SLC25A48: variants seen among roughly 807,000 people sequenced by gnomAD.
SLC25A48 encodes CTC-321K16.1.
In SLC25A48, 29 loss-of-function variants were observed where a neutral mutation model predicts 32.2. That is an observed-to-expected ratio of 0.90 (90% CI 0.67 to 1.23). The LOEUF (loss-of-function observed/expected upper bound fraction) is 1.23. Among genes scored for constraint, SLC25A48 ranks in the 50% most tolerant of loss-of-function variants. The pLI, the probability that SLC25A48 is intolerant of heterozygous loss-of-function variation, is 0.00. For synonymous variants in SLC25A48, 164 were observed against 172.3 expected (o/e 0.95, Z 0.38); for missense variants, 399 against 422.7 (o/e 0.94, Z 0.49).
chr5:135,764,591 C>T (rs1756155974), intron 3 of SLC25A48, among the ~76,000 whole-genome samples: 4 of 151,154 alleles, frequency 2.6e-5, no homozygotes, highest in Admixed American at 2.6e-4. Context: ...CCCCATATCT[C>T]GGGGAGTGTA....
intron 3 of SLC25A48, among the ~76,000 whole-genome samples, chr5:135,777,030 T>A (rs1489174320): frequency 6.6e-6 from 1 of 151,476 alleles, no homozygotes. Flanking sequence ...TTTTTCCTAA[T>A]ATCCAGGGGA....
chr5:135,859,372 A>G (rs1487561414), intron 4 of SLC25A48, among the ~76,000 whole-genome samples: 1 of 152,168 alleles, frequency 6.6e-6, no homozygotes, highest in African/African-American at 2.4e-5. Context: ...TCATGAGAAC[A>G]GCATGGGAAA....
At chr5:135,695,309 T>C (rs904051228) in intron 3 of SLC25A48, among the ~76,000 whole-genome samples, 1 of 9,174 alleles carries the variant, frequency 1.1e-4, no homozygotes, top group Non-Finnish European at 5.6e-4. Context: ...GTGCTTTTTA[T>C]GTTTTTCTTG....
intron 1 of SLC25A48, among the ~76,000 whole-genome samples, chr5:135,602,756 C>T (rs1186638632): frequency 6.6e-6 from 1 of 152,102 alleles, no homozygotes; most frequent in African/African-American, 2.4e-5. Flanking sequence ...AATACTATCC[C>T]TCCCCTCTCC....
In SLC25A48 at chr5:135,631,045, C is replaced by A. The variant is rs6895292; in HGVS notation, c.-709+1669C>A. 9.4e-3 allele frequency among the ~76,000 whole-genome samples: 1,436 copies of A among 152,278 alleles called. 28 individuals are homozygous for A. Among genetic ancestry groups the A allele is most frequent in the African/African-American group, 0.033 (1,369 of 41,552 alleles). On this transcript the variant is annotated intron_variant, in intron 2 of 10. Coordinates refer to the SLC25A48 transcript ENST00000646290. ...ATGGAATATGCCAAAGCCTTTGAGT[C>A]CTTGTCTTCCTGCATCGACCCTGAA... is the stretch of plus-strand genomic sequence containing the variant.
At chr5:135,592,248 C>G (rs1751544130) in intron 1 of SLC25A48, among the ~76,000 whole-genome samples, 1 of 152,184 alleles carries the variant, frequency 6.6e-6, no homozygotes, top group Admixed American at 6.5e-5. Flanking sequence ...GTGCCACACA[C>G]CTACTAAGCG....
intron 3 of SLC25A48, among the ~76,000 whole-genome samples, chr5:135,767,392 G>A (rs376228470): frequency 6.6e-6 from 1 of 151,918 alleles, no homozygotes; most frequent in South Asian, 2.1e-4. Flanking sequence ...CATATTGCGG[G>A]CGGTGCACAC....
intron 3 of SLC25A48, among the ~76,000 whole-genome samples, chr5:135,748,350 T>C (rs1755691321): frequency 6.6e-6 from 1 of 152,236 alleles, no homozygotes. Flanking sequence ...AGTTGCTCAC[T>C]GCAACCTCCG....
At chr5:135,753,473 A>G (rs1388900903) in intron 3 of SLC25A48, among the ~76,000 whole-genome samples, 1 of 152,058 alleles carries the variant, frequency 6.6e-6, no homozygotes, top group Non-Finnish European at 1.5e-5. Context: ...GTATACACAC[A>G]GGTTGCACAC....
chr5:135,754,904 G>T (rs567391214), intron 3 of SLC25A48, among the ~76,000 whole-genome samples: 1 of 150,978 alleles, frequency 6.6e-6, no homozygotes, highest in Non-Finnish European at 1.5e-5. Flanking sequence ...TGAAATATTG[G>T]TCTGACATTT....
chr5:135,652,430 C>G (rs1580756203), intron 3 of SLC25A48: 4 of 456,238 alleles, frequency 8.8e-6, no homozygotes. Context: ...TTATGACATT[C>G]TCCATAGCGT....
intron 3 of SLC25A48, among the ~76,000 whole-genome samples, chr5:135,741,622 C>T (rs1388088716): frequency 6.6e-6 from 1 of 152,124 alleles, no homozygotes; most frequent in African/African-American, 2.4e-5. Context: ...CCCGTAGTCC[C>T]AGCTATTTGG....
At chr5:135,706,612 C>T (rs1167132411) in intron 3 of SLC25A48, among the ~76,000 whole-genome samples, 1 of 152,108 alleles carries the variant, frequency 6.6e-6, no homozygotes, top group African/African-American at 2.4e-5. Flanking sequence ...GTGGCAAGTA[C>T]TGGATGTGGT....
intron 3 of SLC25A48, among the ~76,000 whole-genome samples, chr5:135,656,036 T>A (rs1254254879): frequency 1.3e-5 from 2 of 152,206 alleles, no homozygotes; most frequent in Admixed American, 1.3e-4. Context: ...TGAGGGCTGG[T>A]CCTTGTGCAG....
intron 3 of SLC25A48, among the ~76,000 whole-genome samples, chr5:135,667,456 A>T (rs1371895403): frequency 6.6e-6 from 1 of 152,086 alleles, no homozygotes; most frequent in African/African-American, 2.4e-5. Context: ...GTAACAACCA[A>T]TGAGCTATGG....
chr5:135,795,275 T>C (rs1757140514), intron 3 of SLC25A48, among the ~76,000 whole-genome samples: 1 of 151,898 alleles, frequency 6.6e-6, no homozygotes, highest in Non-Finnish European at 1.5e-5. Flanking sequence ...CTTGTGATAT[T>C]GTTCTTAATA....
rs57138043 is a variant in SLC25A48, at chr5:135,611,496, C to CAAAAAAAAAAAAAA, written c.-848-17723_-848-17710dup. On this transcript the variant is annotated intron_variant, in intron 1 of 10. Coordinates refer to the SLC25A48 transcript ENST00000646290. Reference sequence around the variant, plus strand: ...TCGGTGACAGAGCGAGACTCCATCTCAAAAAAAAAAAAAAAAAAAAAAAAA... The same window carrying CAAAAAAAAAAAAAA: ...TCGGTGACAGAGCGAGACTCCATCTCAAAAAAAAAAAAAAAAAAAAAAAAAAAAAAAAAAAAAAA... 2.4e-3 allele frequency among the ~76,000 whole-genome samples: 51 copies of CAAAAAAAAAAAAAA among 21,346 alleles called. 1 individual carries two copies. Among genetic ancestry groups the CAAAAAAAAAAAAAA allele is most frequent in the East Asian group, 8.9e-3 (2 of 224 alleles). 14.0% of individuals were successfully genotyped at this position (21,346 alleles called of 152,430 possible).
intron 3 of SLC25A48, among the ~76,000 whole-genome samples, chr5:135,723,376 TCTCTCACACACACACA>T (rs1755010220): frequency 2.1e-5 from 1 of 47,662 alleles, no homozygotes; most frequent in South Asian, 1.1e-3. Flanking sequence ...TCTCTCTCTC[TCTCTCACACACACACA>T]CACACACACA....
chr5:135,663,721 G>T, intron 3 of SLC25A48, among the ~76,000 whole-genome samples: 1 of 152,126 alleles, frequency 6.6e-6, no homozygotes, highest in East Asian at 1.9e-4. Flanking sequence ...AGTTTAAAAT[G>T]TGGCCACTTT....
Sources: gnomAD v4.1 joint callset for allele counts (sites outside exome capture counted in the v4.1 genomes callset) on GRCh38, gnomAD v4.1.1 for gene constraint, MANE v1.5 for transcripts, NCBI Gene and HGNC (gene_info 2026-07-23, HGNC 2026-07-21) for gene names.